WDR5: variants seen among roughly 807,000 people sequenced by gnomAD.
The protein encoded by WDR5 is WD repeat domain 5, also known as WD repeat-containing protein 5.
For missense variants in WDR5, 187 were observed against 416.9 expected, an observed-to-expected ratio of 0.45 and a Z score of 4.80; for synonymous variants, 144 against 161.6, an observed-to-expected ratio of 0.89 and a Z score of 0.83.
At chr9:134,141,439 AGACTTTG>A in intron 3 of WDR5, 64 bp from the exon 4 acceptor site, 1 of 1,520,084 alleles carries the variant, frequency 6.6e-7, no homozygotes, top group South Asian at 1.1e-5. Flanking sequence ...GGAAAAGCTC[AGACTTTG>A]GACTCTGGAT....
intron 7 of WDR5, 79 bp from the exon 8 acceptor site, chr9:134,148,209 T>TGTG: frequency 2.1e-6 from 1 of 469,374 alleles, no homozygotes; most frequent in Non-Finnish European, 3.5e-6. Flanking sequence ...TTTTTTTTTT[T>TGTG]TTGAGATCAG....
At chr9:134,135,488 C>A (rs1448792760), upstream of WDR5, 1 of 152,308 alleles carries the variant, frequency 6.6e-6, no homozygotes, top group East Asian at 1.9e-4. Flanking sequence ...GAAGAGCCCC[C>A]AGCCCGGCAG....
chr9:134,156,937 G>A (rs1187088082), intron 13 of WDR5, among the ~76,000 whole-genome samples: 1 of 152,150 alleles, frequency 6.6e-6, no homozygotes, highest in Admixed American at 6.5e-5. Flanking sequence ...TGAGGTCATC[G>A]CTGCCCCATC....
At chr9:134,137,789 T>A (rs1831655278) in intron 1 of WDR5, among the ~76,000 whole-genome samples, 1 of 152,164 alleles carries the variant, frequency 6.6e-6, no homozygotes, top group South Asian at 2.1e-4. Context: ...AGTTTCACTG[T>A]TTGGCCCAGG....
At chr9:134,156,039 T>G (rs1404428371) in intron 12 of WDR5, among the ~76,000 whole-genome samples, 1 of 152,208 alleles carries the variant, frequency 6.6e-6, no homozygotes, top group East Asian at 1.9e-4. Flanking sequence ...ACCCAACAGG[T>G]GGAGCTCTGT....
chr9:134,154,661 G>C, intron 10 of WDR5, 120 bp downstream of exon 10: 1 of 1,145,644 alleles, frequency 8.7e-7, no homozygotes, highest in South Asian at 1.4e-5. Flanking sequence ...CAGGCTCCTG[G>C]TGGAGCTTCG....
chr9:134,145,689 G>A, intron 7 of WDR5, among the ~76,000 whole-genome samples: 1 of 152,200 alleles, frequency 6.6e-6, no homozygotes, highest in East Asian at 1.9e-4. Context: ...TCCCATCCCT[G>A]TCCCCTCTCT....
At chr9:134,141,755 C>T (rs985331767) in intron 4 of WDR5, among the ~76,000 whole-genome samples, 172 bp downstream of exon 4, 1 of 152,088 alleles carries the variant, frequency 6.6e-6, no homozygotes, top group African/African-American at 2.4e-5. Flanking sequence ...CATTTGACTT[C>T]CATGGAGGAG....
At position 134,152,905 on chromosome 9, in the gene WDR5, C is replaced by G. The variant is rs150901923; in HGVS notation, c.631+876C>G. Among the ~76,000 whole-genome samples, 24 of 152,286 alleles carry G rather than the reference C, an allele frequency of 1.6e-4. 1 individual carries two copies. Among genetic ancestry groups the G allele is most frequent in the African/African-American group, 5.5e-4 (23 of 41,570 alleles). On this transcript the variant is annotated intron_variant, in intron 9 of 13. Transcript: ENST00000358625. ...CTTACCCTGGCTTCACACCAGTGTC[C>G]CTGGTGCCTCCGTGTGTCCAAATGT...
At chr9:134,135,903 T>C (rs1194219753), upstream of WDR5, 1 of 152,024 alleles carries the variant, frequency 6.6e-6, no homozygotes, top group Non-Finnish European at 1.5e-5. Context: ...ACCAGTCAAA[T>C]TCGGGGATTA....
intron 1 of WDR5, among the ~76,000 whole-genome samples, chr9:134,137,728 TTGG>T (rs1831651737): frequency 6.7e-6 from 1 of 149,574 alleles, no homozygotes; most frequent in African/African-American, 2.5e-5. Flanking sequence ...ACGTAGAAAC[TTGG>T]TGGGTGTGTT....
chr9:134,155,403 G>A (rs1302866672), intron 11 of WDR5, 30 bp downstream of exon 11: 5 of 1,587,930 alleles, frequency 3.1e-6, no homozygotes, highest in South Asian at 1.2e-5. Flanking sequence ...GGCCCCCATG[G>A]TGCACCATCC....
At chr9:134,144,687 A>G (rs1832078252) in intron 7 of WDR5, among the ~76,000 whole-genome samples, 1 of 152,026 alleles carries the variant, frequency 6.6e-6, no homozygotes. Context: ...ACAAAAAGCA[A>G]AAATTAGCCG....
At position 134,158,856 on chromosome 9, in the gene WDR5, G is replaced by GA. The variant is rs1427854552; in HGVS notation, c.*863_*864insA. On this transcript the variant is annotated 3_prime_UTR_variant, in exon 14 of 14. Transcript: ENST00000358625. ...CTAGGTTCATTGTTCAGTGTTGCTG[G>GA]GGGCGGGGAACGGGGGTGGGGAGGT... is the stretch of plus-strand genomic sequence containing the variant. 6.6e-6 allele frequency: 1 copy of GA among 152,198 alleles called. No individual in the cohort carries two copies. Among genetic ancestry groups the GA allele is most frequent in the African/African-American group, 2.4e-5 (1 of 41,414 alleles). 9.4% of individuals were successfully genotyped at this position (152,198 alleles called of 1,614,324 possible).
chr9:134,135,379 T>A (rs1190459475), upstream of WDR5: 1 of 152,230 alleles, frequency 6.6e-6, no homozygotes, highest in Non-Finnish European at 1.5e-5. Flanking sequence ...GTTTGCGCAC[T>A]GCGGAGCGGG....
chr9:134,137,581 G>A (rs776680149), intron 1 of WDR5, among the ~76,000 whole-genome samples: 15 of 151,284 alleles, frequency 9.9e-5, no homozygotes, highest in Non-Finnish European at 1.9e-4. Context: ...CTAAACTGGA[G>A]GCTGAGGCGC....
intron 7 of WDR5, among the ~76,000 whole-genome samples, chr9:134,147,354 G>A (rs534557902): frequency 6.6e-6 from 1 of 152,274 alleles, no homozygotes; most frequent in African/African-American, 2.4e-5. Flanking sequence ...CCTGGGGATG[G>A]GGCCTAGCAG....
At chr9:134,142,186 G>A (rs1161054333) in intron 5 of WDR5, 147 bp from the exon 6 acceptor site, 3 of 982,482 alleles carry the variant, frequency 3.1e-6, no homozygotes, top group East Asian at 2.6e-5. Flanking sequence ...GGGGGTGGGT[G>A]GGGGAGGCCG....
At chr9:134,141,179 A>T (rs1253264570) in intron 3 of WDR5, among the ~76,000 whole-genome samples, 2 of 152,212 alleles carry the variant, frequency 1.3e-5, no homozygotes, top group Non-Finnish European at 2.9e-5. Flanking sequence ...CCAGCTACTC[A>T]GGAGGTTGAG....
Sources: allele counts gnomAD v4.1 joint callset (sites outside exome capture counted in the v4.1 genomes callset), GRCh38; gene constraint gnomAD v4.1.1; transcripts MANE v1.5; gene names NCBI Gene and HGNC (gene_info 2026-07-23, HGNC 2026-07-21).